GNA12: variants seen among roughly 807,000 people sequenced by gnomAD.
The protein encoded by GNA12 is G protein subunit alpha 12.
A neutral mutation model predicts 26.0 loss-of-function variants in GNA12; 9 were observed. The ratio of observed to expected loss-of-function variants is 0.35; its 90% CI spans 0.21 to 0.60. The LOEUF is 0.60. Ranked by LOEUF, GNA12 falls within the 20% of genes least tolerant of loss-of-function variation. The pLI, the probability that GNA12 is intolerant of heterozygous loss-of-function variation, is 0.78. For synonymous variants in GNA12, 264 were observed against 219.6 expected, an observed-to-expected ratio of 1.20 and a Z score of -1.79; for missense variants, 405 against 525.8, an observed-to-expected ratio of 0.77 and a Z score of 2.25.
At chr7:2,818,617 T>C (rs928749083) in intron 1 of GNA12, among the ~76,000 whole-genome samples, 3 of 151,784 alleles carry the variant, frequency 2.0e-5, no homozygotes, top group African/African-American at 7.3e-5. Flanking sequence ...ACAAACAATA[T>C]TTGGGCATGG....
At chr7:2,832,143 T>TA (rs1291322494) in intron 1 of GNA12, among the ~76,000 whole-genome samples, 1 of 152,190 alleles carries the variant, frequency 6.6e-6, no homozygotes, top group African/African-American at 2.4e-5. Flanking sequence ...GGTGGATGTG[T>TA]TCATCCATCT....
chr7:2,770,911 A>C (rs531591408), intron 2 of GNA12, among the ~76,000 whole-genome samples: 3 of 152,324 alleles, frequency 2.0e-5, no homozygotes, highest in African/African-American at 7.2e-5. Flanking sequence ...CTAAACGTGG[A>C]CCTGGGGGTA....
intron 2 of GNA12, among the ~76,000 whole-genome samples, chr7:2,748,131 A>C (rs1353045745): frequency 1.3e-4 from 19 of 151,030 alleles, no homozygotes; most frequent in South Asian, 2.1e-4. Context: ...GCTACCAATG[A>C]CTTTCTTCAC....
At chr7:2,748,211 A>G (rs1452343926) in intron 2 of GNA12, among the ~76,000 whole-genome samples, 1 of 151,050 alleles carries the variant, frequency 6.6e-6, no homozygotes, top group Non-Finnish European at 1.5e-5. Flanking sequence ...AGTCAATCCT[A>G]AGCCAAAAGA....
chr7:2,742,980 G>C (rs1054510857), intron 2 of GNA12, among the ~76,000 whole-genome samples: 1 of 152,204 alleles, frequency 6.6e-6, no homozygotes, highest in Non-Finnish European at 1.5e-5. Context: ...GTGAGCCACA[G>C]GCATGGTGGT....
intron 1 of GNA12, among the ~76,000 whole-genome samples, chr7:2,843,056 G>T (rs1343295747): frequency 6.6e-6 from 1 of 152,200 alleles, no homozygotes; most frequent in African/African-American, 2.4e-5. Flanking sequence ...GGAGGCCCAG[G>T]TGGGAGGATG....
chr7:2,796,426 G>A (rs1018743380), intron 1 of GNA12, among the ~76,000 whole-genome samples: 1 of 152,064 alleles, frequency 6.6e-6, no homozygotes, highest in Non-Finnish European at 1.5e-5. Context: ...TGTGGATAAC[G>A]GGAGATGACT....
At chr7:2,818,499 A>G (rs1042264692) in intron 1 of GNA12, among the ~76,000 whole-genome samples, 1 of 151,898 alleles carries the variant, frequency 6.6e-6, no homozygotes, top group African/African-American at 2.4e-5. Flanking sequence ...GCGGTGGCTC[A>G]TGCCTGTAAT....
chr7:2,759,920 C>T (rs1374727850), intron 2 of GNA12, among the ~76,000 whole-genome samples: 1 of 152,216 alleles, frequency 6.6e-6, no homozygotes, highest in Non-Finnish European at 1.5e-5. Flanking sequence ...TCCCTGCTTT[C>T]TGCCACCTGC....
intron 2 of GNA12, among the ~76,000 whole-genome samples, chr7:2,764,246 T>TTC (rs1196812974): frequency 1.2e-4 from 10 of 80,604 alleles, no homozygotes; most frequent in African/African-American, 3.6e-4. Flanking sequence ...GCTAATTTCT[T>TTC]TTTTTTTTTT....
intron 2 of GNA12, among the ~76,000 whole-genome samples, chr7:2,759,144 T>C (rs1397445962): frequency 2.3e-5 from 2 of 85,434 alleles, no homozygotes; most frequent in African/African-American, 5.3e-5. Flanking sequence ...TGTCTCAAAA[T>C]AAATAAATAA....
intron 2 of GNA12, among the ~76,000 whole-genome samples, chr7:2,739,385 A>T (rs957221342): frequency 6.6e-6 from 1 of 152,198 alleles, no homozygotes; most frequent in African/African-American, 2.4e-5. Flanking sequence ...CACAGCATGC[A>T]GCCCTTTGTG....
chr7:2,831,641 G>A (rs184779841), intron 1 of GNA12, among the ~76,000 whole-genome samples: 3,146 of 151,778 alleles, frequency 0.021, 116 homozygotes, highest in African/African-American at 0.072. Flanking sequence ...CTGACCTCGT[G>A]ATCCGCCCGC....
chr7:2,767,052 A>G (rs967343545), intron 2 of GNA12, among the ~76,000 whole-genome samples: 1 of 152,376 alleles, frequency 6.6e-6, no homozygotes, highest in East Asian at 1.9e-4. Context: ...AGAACTGTCC[A>G]TTCAAGCCCT....
At position 2,800,274 on chromosome 7, in the gene GNA12, T is replaced by C. The variant is rs558527997; in HGVS notation, c.310-5131A>G. On this transcript the variant is annotated intron_variant, in intron 1 of 3. Coordinates refer to ENST00000275364, the MANE Select transcript of GNA12 (RefSeq NM_007353.3). ...ATTCTGTTTAATAACATTCTTGAGG[T>C]GACAAGATTACAGAGATGGACAAGA... Among the ~76,000 whole-genome samples the C allele has an allele frequency of 2.6e-5, 4 of 152,274 alleles. No homozygotes were observed. The East Asian group carries it at 7.7e-4, about 29-fold the overall frequency.
chr7:2,832,912 C>T (rs1778717619), intron 1 of GNA12, among the ~76,000 whole-genome samples: 1 of 152,176 alleles, frequency 6.6e-6, no homozygotes, highest in Non-Finnish European at 1.5e-5. Context: ...AGCAGACGTT[C>T]CAAATGCATT....
chr7:2,731,759 T>C lies in GNA12; in HGVS notation c.577-9A>G. The C allele has an allele frequency of 2.1e-6, 3 of 1,442,564 alleles. No homozygotes were observed. The highest frequency in any genetic ancestry group is 2.8e-6 in the Non-Finnish European group (3 of 1,073,626). 89.4% of individuals were successfully genotyped at this position (1,442,564 alleles called of 1,614,324 possible). A position where few individuals can be genotyped will look rare whatever the true frequency, so the allele number is the denominator to read the frequency against. On this transcript the variant is annotated splice_polypyrimidine_tract_variant and intron_variant, in intron 3 of 3. Transcript: ENST00000275364. This position sits in a 1 kb window ranked among gnomAD's most constrained non-coding sequence, Gnocchi z 6.0. ...TTACTAGGAAAGTAATTCTGTAAAA[T>C]ACAGGATGAGGCAGAAATTTAGGGG...
At chr7:2,843,273 T>C (rs1432629538) in intron 1 of GNA12, among the ~76,000 whole-genome samples, 2 of 152,102 alleles carry the variant, frequency 1.3e-5, no homozygotes, top group East Asian at 3.9e-4. Flanking sequence ...AGGAGGGGGC[T>C]AAGTGCCAAG....
At chr7:2,750,284 A>T (rs1357877910) in intron 2 of GNA12, among the ~76,000 whole-genome samples, 2 of 152,186 alleles carry the variant, frequency 1.3e-5, no homozygotes, top group African/African-American at 4.8e-5. Context: ...TGCTGCCCCC[A>T]AACTGCAGAG....
Sources: gnomAD v4.1 joint callset for allele counts (sites outside exome capture counted in the v4.1 genomes callset) on GRCh38, gnomAD v4.1.1 for gene constraint, Gnocchi (gnomAD v3.1) non-coding constraint, MANE v1.5 for transcripts, NCBI Gene and HGNC (gene_info 2026-07-23, HGNC 2026-07-21) for gene names.